The following TMEM132D variants were observed in gnomAD, a reference collection of about 807,000 sequenced individuals.
TMEM132D encodes the protein mature OL transmembrane protein.
Under a neutral mutation model 62.3 loss-of-function variants are expected in TMEM132D, and 21 were observed. The ratio of observed to expected loss-of-function variants is 0.34; its 90% CI spans 0.24 to 0.49. The LOEUF (loss-of-function observed/expected upper bound fraction) is 0.49, where lower values mean the gene tolerates loss of function less well. TMEM132D is among the 20% of genes least tolerant of loss of function. TMEM132D has a pLI of 0.99. For synonymous variants in TMEM132D, 621 were observed against 575.6 expected, an observed-to-expected ratio of 1.08 and a Z score of -1.13; for missense variants, 1,346 against 1,402.8, an observed-to-expected ratio of 0.96 and a Z score of 0.65.
At position 129,118,298 on chromosome 12, in the gene TMEM132D, G is replaced by A. The variant is rs1451261349; in HGVS notation, c.1444-33596C>T. ...GACATAAGAGATGGAGATGGAAAAG[G>A]TGGTGCTTTGAGTTATTATGAAACA... On this transcript the variant is annotated intron_variant, in intron 5 of 8. Transcript: ENST00000422113. Among the ~76,000 whole-genome samples, 7 of 152,210 alleles carry A rather than the reference G, an allele frequency of 4.6e-5. No individual in the cohort carries two copies. The East Asian group carries it at 5.8e-4, about 13-fold the overall frequency.
chr12:129,263,957 G>T (rs12423615), intron 4 of TMEM132D, among the ~76,000 whole-genome samples: 10,696 of 152,246 alleles, frequency 0.07, 561 homozygotes, highest in Admixed American at 0.17. Context: ...ATAGCGGGAA[G>T]ATGCAGCTTC....
chr12:129,618,680 A>G (rs1335633689), intron 2 of TMEM132D, among the ~76,000 whole-genome samples: 4 of 152,216 alleles, frequency 2.6e-5, no homozygotes, highest in African/African-American at 9.7e-5. Flanking sequence ...ATGCACATCT[A>G]TGTACATACA....
chr12:129,789,771 C>G (rs983412586), intron 1 of TMEM132D, among the ~76,000 whole-genome samples: 1 of 152,160 alleles, frequency 6.6e-6, no homozygotes, highest in African/African-American at 2.4e-5. Context: ...CATGATGTTG[C>G]CTACATTTTC....
intron 2 of TMEM132D, among the ~76,000 whole-genome samples, chr12:129,641,164 T>C (rs916699412): frequency 9.2e-5 from 14 of 151,994 alleles, no homozygotes; most frequent in Non-Finnish European, 1.8e-4. Flanking sequence ...CATGGAAAAA[T>C]TGTCTTCCAT....
chr12:129,730,768 G>C (rs1354964090), intron 1 of TMEM132D, among the ~76,000 whole-genome samples: 2 of 151,988 alleles, frequency 1.3e-5, no homozygotes, highest in South Asian at 2.1e-4. Flanking sequence ...GGAAAGACTA[G>C]ACTGGCTGAG....
chr12:129,861,290 A>C lies in TMEM132D; in HGVS notation c.79+41971T>G, dbSNP rs1593190290. ...ACCCCCACCTTACCTTTAACCTCCA[A>C]AACTGCCCTTGGTTACTCCTGGGCT... On this transcript the variant is annotated intron_variant, in intron 1 of 8. Coordinates refer to ENST00000422113, the MANE Select transcript of TMEM132D (RefSeq NM_133448.3). Among the ~76,000 whole-genome samples the C allele has an allele frequency of 2.0e-5, 3 of 152,288 alleles. No individual in the cohort carries two copies. The East Asian group carries it at 5.8e-4, about 29-fold the overall frequency.
At chr12:129,727,554 C>G (rs1869081689) in intron 1 of TMEM132D, among the ~76,000 whole-genome samples, 1 of 151,992 alleles carries the variant, frequency 6.6e-6, no homozygotes, top group Non-Finnish European at 1.5e-5. Context: ...AAAATTAACA[C>G]TAAAAAGAAA....
intron 4 of TMEM132D, among the ~76,000 whole-genome samples, chr12:129,331,964 A>G (rs73151006): frequency 0.028 from 4,312 of 152,270 alleles, 229 homozygotes; most frequent in East Asian, 0.24. Flanking sequence ...TAATCCCAGC[A>G]TTTTGGGAGG....
rs1323645574 is a variant in TMEM132D at position 129,342,981 on chromosome 12, C to G, written c.1116-5164G>C. On this transcript the variant is annotated intron_variant, in intron 3 of 8. Transcript: ENST00000422113. ...GAACACTTTTACACTGTTGGTGGGA[C>G]GGTAAACTAGTTCAACCATTGTGGA... Among the ~76,000 whole-genome samples the G allele has an allele frequency of 2.6e-5, 4 of 152,106 alleles. No individual in the cohort carries two copies. In the South Asian group the frequency reaches 6.2e-4, roughly 24 times the overall value.
intron 2 of TMEM132D, among the ~76,000 whole-genome samples, chr12:129,694,039 A>G (rs1039459843): frequency 7.2e-5 from 11 of 152,190 alleles, no homozygotes; most frequent in African/African-American, 2.7e-4. Flanking sequence ...CTGGTGTACT[A>G]TCTATACTAA....
At chr12:129,368,171 G>A (rs1291597114) in intron 3 of TMEM132D, among the ~76,000 whole-genome samples, 2 of 152,082 alleles carry the variant, frequency 1.3e-5, no homozygotes, top group African/African-American at 4.8e-5. Context: ...TATCTGTCTG[G>A]TGGCTCAAAG....
At chr12:129,544,050 G>C (rs990695227) in intron 2 of TMEM132D, among the ~76,000 whole-genome samples, 4 of 152,138 alleles carry the variant, frequency 2.6e-5, no homozygotes, top group African/African-American at 9.7e-5. Flanking sequence ...AATTTGTATA[G>C]AACTTGCGAA....
intron 5 of TMEM132D, among the ~76,000 whole-genome samples, chr12:129,187,344 C>T (rs1167131219): frequency 6.6e-6 from 1 of 152,158 alleles, no homozygotes; most frequent in Non-Finnish European, 1.5e-5. Flanking sequence ...AAGCCTCTCC[C>T]TAACAAATAC....
At chr12:129,707,247 T>C (rs529208706) in intron 1 of TMEM132D, among the ~76,000 whole-genome samples, 19 of 148,262 alleles carry the variant, frequency 1.3e-4, no homozygotes, top group Non-Finnish European at 2.7e-4. Context: ...CATGTATATA[T>C]GTGTATATAA....
At chr12:129,193,422 G>T (rs1878464626) in intron 5 of TMEM132D, among the ~76,000 whole-genome samples, 2 of 152,128 alleles carry the variant, frequency 1.3e-5, no homozygotes, top group Admixed American at 1.3e-4. Context: ...TTACAGGCAG[G>T]TTAGAAACCC....
chr12:129,373,253 A>G (rs1870670436), intron 3 of TMEM132D, among the ~76,000 whole-genome samples: 1 of 152,178 alleles, frequency 6.6e-6, no homozygotes, highest in South Asian at 2.1e-4. Flanking sequence ...CATTCCAATA[A>G]TAACTGCATT....
chr12:129,273,396 CT>C, intron 4 of TMEM132D, among the ~76,000 whole-genome samples: 1 of 147,862 alleles, frequency 6.8e-6, no homozygotes, highest in South Asian at 2.1e-4. Flanking sequence ...AGCAATCCCA[CT>C]GCTGAGTATA....
chr12:129,884,911 T>C (rs2137388807), intron 1 of TMEM132D, among the ~76,000 whole-genome samples: 1 of 152,322 alleles, frequency 6.6e-6, no homozygotes, highest in African/African-American at 2.4e-5. Flanking sequence ...CAAACTCTGG[T>C]ACAACCATAC....
intron 1 of TMEM132D, among the ~76,000 whole-genome samples, chr12:129,879,573 C>T: frequency 6.6e-6 from 1 of 152,102 alleles, no homozygotes; most frequent in East Asian, 1.9e-4. Context: ...CTCCAGGTGC[C>T]ATGCCAGGAG....
Sources: allele counts gnomAD v4.1 joint callset (sites outside exome capture counted in the v4.1 genomes callset), GRCh38; gene constraint gnomAD v4.1.1; transcripts MANE v1.5; gene names NCBI Gene and HGNC (gene_info 2026-07-23, HGNC 2026-07-21).